Variants in TRABD2B observed in about 807,000 individuals in gnomAD.
The protein encoded by TRABD2B is metalloprotease TIKI2.
TRABD2B carries 14 observed loss-of-function variants against 40.1 expected under a neutral mutation model. The observed-to-expected ratio is 0.35, with a 90% CI of 0.23 to 0.55. TRABD2B has a LOEUF of 0.55. Ranked by LOEUF, TRABD2B falls within the 20% of genes least tolerant of loss-of-function variation. TRABD2B has a pLI of 0.90. For missense variants in TRABD2B, 541 were observed against 648.6 expected, an observed-to-expected ratio of 0.83 and a Z score of 1.80; for synonymous variants, 263 against 277.0, an observed-to-expected ratio of 0.95 and a Z score of 0.50.
At chr1:47,979,461 G>C (rs75994123) in intron 2 of TRABD2B, among the ~76,000 whole-genome samples, 5 of 152,118 alleles carry the variant, frequency 3.3e-5, no homozygotes, top group African/African-American at 1.2e-4. Context: ...GCAGCAGCAG[G>C]GGTATGGTTT....
At chr1:47,923,575 C>T (rs1210152683) in intron 2 of TRABD2B, among the ~76,000 whole-genome samples, 1 of 152,162 alleles carries the variant, frequency 6.6e-6, no homozygotes, top group Non-Finnish European at 1.5e-5. Context: ...GTCAACTTGG[C>T]TGGGCCATGG....
chr1:47,799,691 C>T (rs1290003324), intron 3 of TRABD2B, among the ~76,000 whole-genome samples: 1 of 152,176 alleles, frequency 6.6e-6, no homozygotes, highest in Non-Finnish European at 1.5e-5. Context: ...AGGCTATACT[C>T]TCAGCACCCC....
At chr1:47,867,967 T>C (rs1169206041) in intron 2 of TRABD2B, among the ~76,000 whole-genome samples, 2 of 152,202 alleles carry the variant, frequency 1.3e-5, no homozygotes, top group Non-Finnish European at 2.9e-5. Context: ...ACTTCCTTTA[T>C]TACCTCGAGG....
At chr1:47,930,169 C>T (rs972351461) in intron 2 of TRABD2B, among the ~76,000 whole-genome samples, 1 of 152,186 alleles carries the variant, frequency 6.6e-6, no homozygotes, top group Non-Finnish European at 1.5e-5. Flanking sequence ...AGCCATGGTG[C>T]GCCAAGGTTT....
At chr1:47,892,054 G>A (rs1315930751) in intron 2 of TRABD2B, among the ~76,000 whole-genome samples, 2 of 152,232 alleles carry the variant, frequency 1.3e-5, no homozygotes, top group Non-Finnish European at 2.9e-5. Context: ...GATGGCTCCA[G>A]GCTCTGTGAG....
chr1:47,934,702 G>A (rs1386396480), intron 2 of TRABD2B, among the ~76,000 whole-genome samples: 3 of 152,304 alleles, frequency 2.0e-5, no homozygotes, highest in Non-Finnish European at 4.4e-5. Flanking sequence ...GCCACAAATG[G>A]GACTGATGTC....
At position 47,812,033 on chromosome 1, in the gene TRABD2B, T is replaced by C. The variant is rs1176247267; in HGVS notation, c.667-10414A>G. Among the ~76,000 whole-genome samples the C allele has an allele frequency of 2.0e-5, 3 of 152,232 alleles. No individual in the cohort carries two copies. In the East Asian group the frequency reaches 5.8e-4, roughly 29 times the overall value. ...GGCTCAGAGCAGTAAGTGGCATCCCTTGTTCCCCAGTGATGGGGCTCCATA... is the reference window on the plus strand; with the variant it reads ...GGCTCAGAGCAGTAAGTGGCATCCCCTGTTCCCCAGTGATGGGGCTCCATA... On this transcript the variant is annotated intron_variant, in intron 2 of 6. Coordinates refer to ENST00000606738, the MANE Select transcript of TRABD2B (RefSeq NM_001194986.2).
chr1:47,915,734 T>G (rs1001183661), intron 2 of TRABD2B, among the ~76,000 whole-genome samples: 5 of 152,170 alleles, frequency 3.3e-5, no homozygotes, highest in Admixed American at 1.3e-4. Flanking sequence ...CCCTGGCTCC[T>G]CTCGCCTTTG....
chr1:47,858,112 A>T (rs1018450513), intron 2 of TRABD2B, among the ~76,000 whole-genome samples: 7 of 152,242 alleles, frequency 4.6e-5, no homozygotes, highest in Non-Finnish European at 8.8e-5. Flanking sequence ...TACGCATTGG[A>T]AGAAACAGCA....
At chr1:47,982,298 C>T (rs1645851929) in intron 2 of TRABD2B, among the ~76,000 whole-genome samples, 1 of 152,158 alleles carries the variant, frequency 6.6e-6, no homozygotes, top group South Asian at 2.1e-4. Flanking sequence ...TGAAAATGAC[C>T]ATTACTTAAG....
intron 4 of TRABD2B, among the ~76,000 whole-genome samples, chr1:47,784,284 T>C (rs1644565573): frequency 6.6e-6 from 1 of 152,180 alleles, no homozygotes; most frequent in African/African-American, 2.4e-5. Context: ...GATCCTGAGT[T>C]CACATTTGGG....
At chr1:47,869,656 G>A (rs1288108392) in intron 2 of TRABD2B, among the ~76,000 whole-genome samples, 2 of 152,196 alleles carry the variant, frequency 1.3e-5, no homozygotes, top group Non-Finnish European at 2.9e-5. Flanking sequence ...GGAGAGGGCA[G>A]AGAGAAGGCA....
intron 2 of TRABD2B, among the ~76,000 whole-genome samples, chr1:47,935,357 A>G (rs1645092663): frequency 2.0e-5 from 3 of 152,188 alleles, no homozygotes; most frequent in Non-Finnish European, 4.4e-5. Flanking sequence ...TTCCAACCCA[A>G]AATTTAAGCC....
chr1:47,797,925 C>T (rs757991068), intron 3 of TRABD2B, among the ~76,000 whole-genome samples: 5 of 152,040 alleles, frequency 3.3e-5, no homozygotes, highest in Admixed American at 1.3e-4. Flanking sequence ...TGTAGTCTTC[C>T]CTGACCCATG....
intron 2 of TRABD2B, among the ~76,000 whole-genome samples, chr1:47,982,620 G>A (rs559891818): frequency 1.2e-4 from 19 of 152,288 alleles, no homozygotes; most frequent in Middle Eastern, 3.4e-3. Context: ...TTTCAGGATT[G>A]TTTTAGAAAT....
intron 2 of TRABD2B, among the ~76,000 whole-genome samples, chr1:47,837,570 C>T (rs1008710610): frequency 2.6e-5 from 4 of 152,186 alleles, no homozygotes; most frequent in Non-Finnish European, 5.9e-5. Flanking sequence ...TATCTGAGTT[C>T]AGTGCCTTGG....
chr1:47,861,087 G>C (rs1010678737), intron 2 of TRABD2B, among the ~76,000 whole-genome samples: 9 of 152,190 alleles, frequency 5.9e-5, no homozygotes, highest in African/African-American at 2.2e-4. Context: ...GAAAACCAGA[G>C]ATGTTTACTG....
Position 47,996,754 on chromosome 1 carries a change from G to A in TRABD2B, c.36C>T (p.Ala12=), listed in dbSNP as rs937924064. 8.2e-7 allele frequency: 1 copy of A among 1,221,610 alleles called. No individual in the cohort carries two copies. Among genetic ancestry groups the A allele is most frequent in the Non-Finnish European group, 1.0e-6 (1 of 980,854 alleles). The allele number at this position is 1,221,610 out of a possible 1,614,324, so 75.7% of individuals were successfully genotyped here. A position where few individuals can be genotyped will look rare whatever the true frequency, so the allele number is the denominator to read the frequency against. ...GGCGGGCGCGAGCGGTGGCGAGGAGGGCGGCGAGCAGCGGCCCCGCCAGGG... is the reference window on the plus strand; with the variant it reads ...GGCGGGCGCGAGCGGTGGCGAGGAGAGCGGCGAGCAGCGGCCCCGCCAGGG... The part of the protein sequence containing the change: ...HAALAGPLLA[A]LLATARARPQ... Residue 12 remains alanine (A), a synonymous_variant, in exon 1 of 7, where the codon GCC becomes GCT. Transcript: ENST00000606738. The surrounding 1 kb of genome is among the most constrained non-coding windows in gnomAD (Gnocchi z 4.6).
intron 4 of TRABD2B, among the ~76,000 whole-genome samples, chr1:47,783,528 G>C (rs904284085): frequency 6.6e-6 from 1 of 152,188 alleles, no homozygotes; most frequent in African/African-American, 2.4e-5. Flanking sequence ...AAAGTAAGGA[G>C]AAGCAAGGGC....
Sources: gnomAD v4.1 joint callset for allele counts (sites outside exome capture counted in the v4.1 genomes callset) on GRCh38, gnomAD v4.1.1 for gene constraint, Gnocchi (gnomAD v3.1) non-coding constraint, MANE v1.5 for transcripts, NCBI Gene and HGNC (gene_info 2026-07-23, HGNC 2026-07-21) for gene names.